The following AUTS2 variants were observed in gnomAD, a reference collection of about 807,000 sequenced individuals.
AUTS2 encodes the protein activator of transcription and developmental regulator AUTS2, also known as autism susceptibility gene 2 protein.
AUTS2 carries 17 observed loss-of-function variants against 112.4 expected under a neutral mutation model. That is an observed-to-expected ratio of 0.15 (90% CI 0.10 to 0.23). The LOEUF is 0.23. AUTS2 is among the 10% of genes least tolerant of loss of function. The pLI, the probability that AUTS2 is intolerant of heterozygous loss-of-function variation, is 1.00. For missense variants in AUTS2, 1,510 were observed against 1,701.6 expected, an observed-to-expected ratio of 0.89 and a Z score of 1.98; for synonymous variants, 751 against 702.7, an observed-to-expected ratio of 1.07 and a Z score of -1.09.
intron 5 of AUTS2, among the ~76,000 whole-genome samples, chr7:70,495,932 TCA>T (rs773711549): frequency 3.9e-4 from 27 of 69,886 alleles, no homozygotes; most frequent in South Asian, 2.0e-3. Flanking sequence ...ACGTACACAG[TCA>T]CACACACACA....
At position 70,330,313 on chromosome 7, in the gene AUTS2, G is replaced by A. The variant is rs1051735512; in HGVS notation, c.661-105439G>A. ...GAATTAATTTTTGTACATGGTATGA[G>A]GTAGGGGTCCAATTTCATTGTTTTG... On this transcript the variant is annotated intron_variant, in intron 4 of 18. Coordinates refer to ENST00000342771, the MANE Select transcript of AUTS2 (RefSeq NM_015570.4). Among the ~76,000 whole-genome samples, 5 of 152,258 alleles carry A rather than the reference G, an allele frequency of 3.3e-5. No homozygotes were observed. In the South Asian group the frequency reaches 1.0e-3, roughly 32 times the overall value.
intron 4 of AUTS2, among the ~76,000 whole-genome samples, chr7:70,381,347 T>G (rs986083729): frequency 1.4e-4 from 22 of 152,322 alleles, no homozygotes; most frequent in African/African-American, 5.1e-4. Flanking sequence ...TACATACATT[T>G]GTCAAAACTC....
At chr7:69,692,822 C>T (rs1797404489) in intron 1 of AUTS2, among the ~76,000 whole-genome samples, 1 of 152,196 alleles carries the variant, frequency 6.6e-6, no homozygotes, top group Non-Finnish European at 1.5e-5. Flanking sequence ...TGCTCAAGCA[C>T]ATAATTTTAG....
intron 1 of AUTS2, among the ~76,000 whole-genome samples, chr7:69,768,528 G>A (rs769455583): frequency 3.9e-5 from 6 of 152,168 alleles, no homozygotes; most frequent in Non-Finnish European, 5.9e-5. Context: ...GAGCTGGGAT[G>A]CCCTTAACAC....
chr7:70,206,372 GT>G (rs989895376), intron 4 of AUTS2, among the ~76,000 whole-genome samples: 3 of 150,288 alleles, frequency 2.0e-5, no homozygotes, highest in Non-Finnish European at 3.0e-5. Context: ...TCTGTTTTTT[GT>G]TTTTTTTTCC....
intron 4 of AUTS2, among the ~76,000 whole-genome samples, chr7:70,303,422 ACGCGCGCG>A (rs776005782): frequency 2.4e-5 from 3 of 125,662 alleles, no homozygotes; most frequent in African/African-American, 9.6e-5. Context: ...GCACACACAC[ACGCGCGCG>A]CGCGCACATA....
intron 5 of AUTS2, among the ~76,000 whole-genome samples, chr7:70,493,368 T>A (rs1315755756): frequency 4.6e-5 from 7 of 152,344 alleles, no homozygotes; most frequent in African/African-American, 1.7e-4. Context: ...AGCAGCTGGA[T>A]GGCTGATGGG....
intron 2 of AUTS2, among the ~76,000 whole-genome samples, chr7:70,086,738 A>C (rs1803627010): frequency 6.6e-6 from 1 of 152,050 alleles, no homozygotes; most frequent in South Asian, 2.1e-4. Context: ...GCTGTTGTAA[A>C]TGGCATTGTT....
At chr7:69,874,524 A>G (rs1793641048) in intron 1 of AUTS2, among the ~76,000 whole-genome samples, 1 of 152,136 alleles carries the variant, frequency 6.6e-6, no homozygotes, top group Non-Finnish European at 1.5e-5. Flanking sequence ...GCCACTTGGG[A>G]TGTTGTTAAT....
chr7:69,627,831 A>G (rs951879723), intron 1 of AUTS2, among the ~76,000 whole-genome samples: 2 of 152,200 alleles, frequency 1.3e-5, no homozygotes, highest in African/African-American at 2.4e-5. Flanking sequence ...AATAATAGTA[A>G]TGCAACCCTC....
At chr7:70,498,348 A>G (rs1184707148) in intron 5 of AUTS2, among the ~76,000 whole-genome samples, 2 of 152,176 alleles carry the variant, frequency 1.3e-5, no homozygotes, top group East Asian at 3.8e-4. Flanking sequence ...GAGCTCTTTA[A>G]TAGGTGCATT....
chr7:70,196,405 G>A (rs910210117), intron 4 of AUTS2, among the ~76,000 whole-genome samples: 4 of 152,128 alleles, frequency 2.6e-5, no homozygotes, highest in African/African-American at 9.7e-5. Context: ...TAAAATAGAA[G>A]GGAATTTCTT....
At position 69,913,961 on chromosome 7, in the gene AUTS2, C is replaced by G. The variant is rs552285534; in HGVS notation, c.522+14463C>G. On this transcript the variant is annotated intron_variant, in intron 2 of 18. Transcript: ENST00000342771. ...TTTTGAATGATGAGATCCTTCTAGT[C>G]CTTTAGGCTTGAACTGAAATGTCAT... is the stretch of plus-strand genomic sequence containing the variant. 2.2e-4 allele frequency among the ~76,000 whole-genome samples: 34 copies of G among 152,224 alleles called. No homozygotes were observed. The South Asian group carries it at 6.6e-3, about 30-fold the overall frequency.
intron 3 of AUTS2, among the ~76,000 whole-genome samples, chr7:70,130,495 A>T (rs1319716811): frequency 6.6e-6 from 1 of 152,180 alleles, no homozygotes; most frequent in Non-Finnish European, 1.5e-5. Context: ...CTACTTGCAG[A>T]CTTGAATGTC....
chr7:70,789,848 G>T lies in AUTS2; in HGVS notation c.2632G>T (p.Ala878Ser), dbSNP rs1444618532. 3.7e-6 allele frequency: 6 copies of T among 1,614,176 alleles called. No individual in the cohort carries two copies. Among genetic ancestry groups the T allele is most frequent in the Non-Finnish European group, 5.1e-6 (6 of 1,180,024 alleles). ...HTRSSTEQIR[A>S]HLNTEAREKD... ...CCGCAGCTCCACTGAACAGATCCGGGCTCATCTGAACACTGAGGCTCGGGA... is the reference window on the plus strand; with the variant it reads ...CCGCAGCTCCACTGAACAGATCCGGTCTCATCTGAACACTGAGGCTCGGGA... Residue 878 changes from alanine to serine, a missense_variant, in exon 19 of 19, where the codon GCT becomes TCT. Around this residue, in one of 3 missense-constraint regions of AUTS2, gnomAD observed 788 missense variants for 797.6 expected, o/e 0.99. Coordinates refer to ENST00000342771, the MANE Select transcript of AUTS2 (RefSeq NM_015570.4).
intron 1 of AUTS2, among the ~76,000 whole-genome samples, chr7:69,785,245 T>G (rs2129318456): frequency 6.6e-6 from 1 of 152,142 alleles, no homozygotes; most frequent in African/African-American, 2.4e-5. Context: ...GTTTTGAGGG[T>G]TTTCCAAGGA....
chr7:70,037,770 C>G (rs549014961), intron 2 of AUTS2, among the ~76,000 whole-genome samples: 97 of 152,168 alleles, frequency 6.4e-4, no homozygotes, highest in African/African-American at 2.3e-3. Flanking sequence ...TCTCAGTTTT[C>G]TCATCTGTGT....
intron 5 of AUTS2, among the ~76,000 whole-genome samples, chr7:70,509,270 A>G (rs946074211): frequency 6.6e-6 from 1 of 152,196 alleles, no homozygotes; most frequent in Non-Finnish European, 1.5e-5. Context: ...AGCTTCTGCT[A>G]TGGTGGGAGA....
At chr7:69,694,003 G>A (rs1277555592) in intron 1 of AUTS2, among the ~76,000 whole-genome samples, 1 of 152,174 alleles carries the variant, frequency 6.6e-6, no homozygotes, top group Admixed American at 6.5e-5. Flanking sequence ...GAGACTACAG[G>A]TAGATTTGCT....
Sources: allele counts gnomAD v4.1 joint callset (sites outside exome capture counted in the v4.1 genomes callset), GRCh38; gene constraint gnomAD v4.1.1; regional missense constraint gnomAD v4.1.1; transcripts MANE v1.5; gene names NCBI Gene and HGNC (gene_info 2026-07-23, HGNC 2026-07-21).